The following RDH12 variants were observed in gnomAD, a reference collection of about 807,000 sequenced individuals.
The protein encoded by RDH12 is all-trans and 9-cis retinol dehydrogenase.
A neutral mutation model predicts 34.0 loss-of-function variants in RDH12; 21 were observed. The ratio of observed to expected loss-of-function variants is 0.62; its 90% CI spans 0.44 to 0.89. The LOEUF is 0.89. RDH12 is among the 40% of genes least tolerant of loss of function. The pLI, the probability that RDH12 is intolerant of heterozygous loss-of-function variation, is 0.00. For synonymous variants in RDH12, 198 were observed against 169.9 expected, an observed-to-expected ratio of 1.17 and a Z score of -1.29; for missense variants, 394 against 398.6, an observed-to-expected ratio of 0.99 and a Z score of 0.10.
chr14:67,722,656 T>A lies in RDH12; in HGVS notation c.14T>A (p.Leu5Ter). The change falls in exon 3 of 9, where the codon TTG becomes TAG. Residue 5 changes from leucine to a stop codon, truncating the protein, a stop_gained. Transcript: ENST00000551171. LOFTEE classifies it high-confidence loss of function. MLVT[L>*]GLLTSFFSFL... ...GAAGTTGGAACGATGCTGGTCACCT[T>A]GGGACTGCTCACCTCCTTCTTCTCG... 1 of 1,613,930 alleles carries A rather than the reference T, an allele frequency of 6.2e-7. No individual in the cohort carries two copies. The highest frequency in any genetic ancestry group is 2.2e-5 in the East Asian group (1 of 44,878).
intron 7 of RDH12, 155 bp downstream of exon 7, chr14:67,727,345 C>CTT: frequency 1.4e-6 from 1 of 714,614 alleles, no homozygotes; most frequent in Admixed American, 2.1e-5. Context: ...AAACAGAGTG[C>CTT]TTGCCCCCAG....
chr14:67,705,081 T>C (rs930190183), intron 1 of RDH12, among the ~76,000 whole-genome samples: 1 of 152,220 alleles, frequency 6.6e-6, no homozygotes, highest in Non-Finnish European at 1.5e-5. Flanking sequence ...TAAAGGTTTA[T>C]TGGAAGCCAA....
At chr14:67,715,531 C>T (rs981809669) in intron 1 of RDH12, among the ~76,000 whole-genome samples, 6 of 152,168 alleles carry the variant, frequency 3.9e-5, no homozygotes, top group Admixed American at 2.0e-4. Flanking sequence ...ACAGTGCAGG[C>T]GTAAGGCCTG....
At chr14:67,724,412 CG>C in intron 3 of RDH12, 60 bp from the exon 4 acceptor site, 1 of 784,928 alleles carries the variant, frequency 1.3e-6, no homozygotes, top group Non-Finnish European at 2.0e-6. Context: ...TTTTTTTTAA[CG>C]TATCTTAGTG....
At chr14:67,725,275 T>C in intron 5 of RDH12, 21 bp downstream of exon 5, 1 of 1,612,036 alleles carries the variant, frequency 6.2e-7, no homozygotes, top group Non-Finnish European at 8.5e-7. Flanking sequence ...GATGGGTAGG[T>C]AGAAAAGCAG....
chr14:67,725,896 T>G (rs1394949211), intron 5 of RDH12, among the ~76,000 whole-genome samples, 155 bp from the exon 6 acceptor site: 1 of 152,172 alleles, frequency 6.6e-6, no homozygotes, highest in Non-Finnish European at 1.5e-5. Flanking sequence ...AATACCTTGT[T>G]TTAAAAGGAA....
In RDH12 at chr14:67,733,809, G is replaced by A. The variant is rs2038317129; in HGVS notation, c.912G>A (p.Trp304Ter). Residue 304 changes from tryptophan (W) to a stop codon, truncating the protein, a stop_gained, in exon 9 of 9, where the codon TGG becomes TGA. Coordinates refer to ENST00000551171, the MANE Select transcript of RDH12 (RefSeq NM_152443.3). LOFTEE classifies it high-confidence loss of function. ...ATAACAAAACAGCTGAGCGCCTATG[G>A]AATGTCAGCTGTGAGCTTCTAGGAA... Reference protein sequence around the residue: ...ARNNKTAERLWNVSCELLGIR... With the variant: ...ARNNKTAERL The A allele has an allele frequency of 6.2e-7, 1 of 1,613,476 alleles. No individual in the cohort carries two copies. The highest frequency in any genetic ancestry group is 8.5e-7 in the Non-Finnish European group (1 of 1,179,576).
intron 5 of RDH12, among the ~76,000 whole-genome samples, 174 bp from the exon 6 acceptor site, chr14:67,725,876 GT>G (rs1566847346): frequency 6.6e-6 from 1 of 152,224 alleles, no homozygotes; most frequent in Non-Finnish European, 1.5e-5. Flanking sequence ...TAGTTATTGA[GT>G]GCTGAGGCAA....
chr14:67,713,888 A>C (rs12895217), intron 1 of RDH12, among the ~76,000 whole-genome samples: 19,213 of 152,178 alleles, frequency 0.13, 1,480 homozygotes, highest in South Asian at 0.33. Flanking sequence ...GGTAGGTGAG[A>C]GAAAAACAGC....
In RDH12 at chr14:67,725,135, A is replaced by G. The variant is rs1380809174; in HGVS notation, c.224A>G (p.Lys75Arg). 1 of 1,614,048 alleles carries G rather than the reference A, an allele frequency of 6.2e-7. No homozygotes were observed. Among genetic ancestry groups the G allele is most frequent in the Admixed American group, 1.7e-5 (1 of 60,010 alleles). ...RVYIACRDVL[K>R]GESAASEIRV... Reference sequence around the variant, plus strand: ...TATATTGCCTGCAGAGATGTACTGAAGGGGGAGTCTGCTGCCAGTGAAATC... The same window carrying G: ...TATATTGCCTGCAGAGATGTACTGAGGGGGGAGTCTGCTGCCAGTGAAATC... The change falls in exon 5 of 9, where the codon AAG becomes AGG. Residue 75 changes from lysine to arginine, a missense_variant. Physicochemically the swap from Lys to Arg is conservative, Grantham distance 26 (BLOSUM62 2). Coordinates refer to ENST00000551171, the MANE Select transcript of RDH12 (RefSeq NM_152443.3).
At chr14:67,708,435 T>C (rs372930119) in intron 1 of RDH12, among the ~76,000 whole-genome samples, 4 of 152,276 alleles carry the variant, frequency 2.6e-5, no homozygotes, top group African/African-American at 9.6e-5. Context: ...GTTAGAGTTC[T>C]ATAGCTGATT....
At chr14:67,727,495 T>TTTGAGACTTGAG in intron 7 of RDH12, 1 of 355,004 alleles carries the variant, frequency 2.8e-6, no homozygotes, top group South Asian at 2.4e-5. Flanking sequence ...GTTTTTTTTT[T>TTTGAGACTTGAG]TTTGAGACTT....
chr14:67,702,100 A>G (rs1655102132), intron 1 of RDH12, among the ~76,000 whole-genome samples, 165 bp downstream of exon 1: 1 of 152,086 alleles, frequency 6.6e-6, no homozygotes, highest in Admixed American at 6.6e-5. Flanking sequence ...AACAGTCATG[A>G]ACCACTGTGC....
At chr14:67,724,432 T>G in intron 3 of RDH12, 41 bp from the exon 4 acceptor site, 4 of 1,203,772 alleles carry the variant, frequency 3.3e-6, no homozygotes, top group Non-Finnish European at 4.8e-6. Flanking sequence ...TGTGAGCTCG[T>G]GAAGGATGGT....
chr14:67,705,611 G>A (rs535019119), intron 1 of RDH12, among the ~76,000 whole-genome samples: 4 of 152,120 alleles, frequency 2.6e-5, no homozygotes, highest in Non-Finnish European at 5.9e-5. Context: ...TTAGAATAAA[G>A]CCATTAGTTT....
intron 6 of RDH12, among the ~76,000 whole-genome samples, chr14:67,726,584 C>T (rs7140356): frequency 0.064 from 9,800 of 152,088 alleles, 1,003 homozygotes; most frequent in African/African-American, 0.22. Context: ...GCGTTCAAGG[C>T]AAAGACTTTA....
At position 67,733,764 on chromosome 14, in the gene RDH12, G is replaced by A. The variant is rs757735668; in HGVS notation, c.867G>A (p.Trp289Ter). ...GKYFSDCKRTWVSPRARNNKT... is the reference protein window; with the variant it reads ...GKYFSDCKRT ...CCTCCAGTGACTGCAAGAGGACCTGGGTGTCTCCAAGGGCCCGAAATAACA... is the reference window on the plus strand; with the variant it reads ...CCTCCAGTGACTGCAAGAGGACCTGAGTGTCTCCAAGGGCCCGAAATAACA... Residue 289 changes from tryptophan (W) to a stop codon, truncating the protein, a stop_gained, in exon 9 of 9, where the codon TGG becomes TGA. Coordinates refer to ENST00000551171, the MANE Select transcript of RDH12 (RefSeq NM_152443.3). LOFTEE classifies it high-confidence loss of function. The A allele has an allele frequency of 6.2e-7, 1 of 1,613,092 alleles. No homozygotes were observed. Among genetic ancestry groups the A allele is most frequent in the Admixed American group, 1.7e-5 (1 of 59,988 alleles).
chr14:67,703,622 G>A (rs2037923140), intron 1 of RDH12, among the ~76,000 whole-genome samples: 1 of 152,116 alleles, frequency 6.6e-6, no homozygotes, highest in Admixed American at 6.6e-5. Context: ...TTTAAGATGT[G>A]CACAACAATG....
Position 67,727,388 on chromosome 14 carries a change from C to G in RDH12, c.658+198C>G, listed in dbSNP as rs557996354. The G allele has an allele frequency of 1.0e-4, 58 of 561,890 alleles. No individual in the cohort carries two copies. The South Asian group carries it at 1.1e-3, about 11-fold the overall frequency. The allele number at this position is 561,890 out of a possible 1,614,324, so 34.8% of individuals were successfully genotyped here. A position where few individuals can be genotyped will look rare whatever the true frequency, so the allele number is the denominator to read the frequency against. On this transcript the variant is annotated intron_variant, in intron 7 of 8. Transcript: ENST00000551171. Reference sequence around the variant, plus strand: ...AAAATCAAATAGGGGTTAAGAACCTCAAAAAGTTACCTTGTATTTGTGTCA... The same window carrying G: ...AAAATCAAATAGGGGTTAAGAACCTGAAAAAGTTACCTTGTATTTGTGTCA...
Sources: gnomAD v4.1 joint callset for allele counts (sites outside exome capture counted in the v4.1 genomes callset) on GRCh38, gnomAD v4.1.1 for gene constraint, MANE v1.5 for transcripts, NCBI Gene and HGNC (gene_info 2026-07-23, HGNC 2026-07-21) for gene names.